TCP11L2: variants seen among roughly 807,000 people sequenced by gnomAD.
TCP11L2 encodes the protein t-complex 11 like 2.
TCP11L2 carries 39 observed loss-of-function variants against 50.7 expected under a neutral mutation model. The observed-to-expected ratio is 0.77, with a 90% CI of 0.60 to 1.01. The LOEUF (loss-of-function observed/expected upper bound fraction) is 1.01, where lower values mean the gene tolerates loss of function less well. Among genes scored for constraint, TCP11L2 ranks in the 50% least tolerant of loss-of-function variants. The probability of loss-of-function intolerance (pLI) is 0.00; values close to 1 mark genes in which losing one functional copy is unlikely to be tolerated. For missense variants in TCP11L2, 612 were observed against 614.7 expected (o/e 1.00, Z 0.05); for synonymous variants, 192 against 219.3 (o/e 0.88, Z 1.10).
chr12:106,341,056 G>T, intron 9 of TCP11L2, 58 bp downstream of exon 9: 1 of 1,459,046 alleles, frequency 6.9e-7, no homozygotes, highest in Non-Finnish European at 9.4e-7. Flanking sequence ...TGCTGATTTT[G>T]ACTAACATTA....
chr12:106,340,785 C>T (rs752727629), intron 8 of TCP11L2, 41 bp from the exon 9 acceptor site: 1 of 1,528,248 alleles, frequency 6.5e-7, no homozygotes, highest in South Asian at 1.3e-5. Context: ...ACTTGATGAA[C>T]AAAAACTTTC....
At chr12:106,320,649 G>A (rs2035302531) in intron 4 of TCP11L2, among the ~76,000 whole-genome samples, 1 of 152,208 alleles carries the variant, frequency 6.6e-6, no homozygotes, top group Non-Finnish European at 1.5e-5. Context: ...TTCCTGCCTT[G>A]TGCCCTGAGC....
At chr12:106,307,873 A>G (rs1478504677) in intron 1 of TCP11L2, among the ~76,000 whole-genome samples, 1 of 152,248 alleles carries the variant, frequency 6.6e-6, no homozygotes, top group African/African-American at 2.4e-5. Context: ...TACTGTGTCA[A>G]TGACTGTTCC....
intron 1 of TCP11L2, among the ~76,000 whole-genome samples, chr12:106,304,888 G>A (rs2136589268): frequency 6.6e-6 from 1 of 152,290 alleles, no homozygotes; most frequent in South Asian, 2.1e-4. Flanking sequence ...TAGCGGGGTG[G>A]TGAAGAATTG....
rs34867730 is a variant in TCP11L2, at chr12:106,313,764, A to ATT, written c.158-575_158-574dup. Among the ~76,000 whole-genome samples the ATT allele has an allele frequency of 2.1e-3, 240 of 113,862 alleles. 3 individuals are homozygous for ATT. Among genetic ancestry groups the ATT allele is most frequent in the African/African-American group, 2.7e-3 (77 of 28,196 alleles). 74.7% of individuals were successfully genotyped at this position (113,862 alleles called of 152,430 possible). ...TGGGCACTAAAAATGAGGTAATTTA[A>ATT]TTTTTTTTTTTTTTTTTTTTGAGAC... On this transcript the variant is annotated intron_variant, in intron 2 of 9. Transcript: ENST00000299045.
intron 6 of TCP11L2, chr12:106,325,994 C>T (rs1247511737): frequency 6.6e-6 from 1 of 151,542 alleles, no homozygotes; most frequent in African/African-American, 2.4e-5. Context: ...TCACAATTAC[C>T]AGTTACCCAG....
intron 3 of TCP11L2, 66 bp downstream of exon 3, chr12:106,314,559 G>GTGTA (rs1164160162): frequency 1.1e-6 from 1 of 936,780 alleles, no homozygotes; most frequent in African/African-American, 2.2e-5. Flanking sequence ...GTGTGTGTGT[G>GTGTA]TGTGTGTGTG....
intron 2 of TCP11L2, chr12:106,312,329 G>T (rs2034893271): frequency 4.3e-6 from 4 of 935,426 alleles, no homozygotes; most frequent in Admixed American, 5.1e-5. Context: ...AGCCTTTCTG[G>T]AAAGACTTTT....
intron 1 of TCP11L2, 54 bp from the exon 2 acceptor site, chr12:106,310,987 G>A: frequency 6.9e-7 from 1 of 1,446,274 alleles, no homozygotes; most frequent in Non-Finnish European, 9.5e-7. Flanking sequence ...AAGCATTGGT[G>A]GTGCCTGTGG....
chr12:106,331,394 TACTC>T (rs1447690107), intron 6 of TCP11L2, among the ~76,000 whole-genome samples: 1 of 152,208 alleles, frequency 6.6e-6, no homozygotes, highest in East Asian at 1.9e-4. Context: ...CTGCTTAGCC[TACTC>T]ACTCTTTTTA....
chr12:106,298,883 TCCTGGCTCACTGCAAC>T (rs1484552205), upstream of TCP11L2, among the ~76,000 whole-genome samples: 1 of 151,518 alleles, frequency 6.6e-6, no homozygotes, highest in Non-Finnish European at 1.5e-5. Flanking sequence ...AATGGTGCAA[TCCTGGCTCACTGCAAC>T]CTCTGCCTCC....
intron 1 of TCP11L2, among the ~76,000 whole-genome samples, chr12:106,307,720 A>G (rs1592925463): frequency 6.6e-6 from 1 of 152,172 alleles, no homozygotes; most frequent in African/African-American, 2.4e-5. Context: ...GTTCTGTTCT[A>G]TGTTAACTAC....
At chr12:106,302,378 C>G (rs1379823838), upstream of TCP11L2, among the ~76,000 whole-genome samples, 4 of 92,908 alleles carry the variant, frequency 4.3e-5, 1 homozygote, top group African/African-American at 1.6e-4. Flanking sequence ...CCGCTCAGCC[C>G]CCGCTCAGCC....
Position 106,314,508 on chromosome 12 carries a change from T to C in TCP11L2, c.293+15T>C, listed in dbSNP as rs746014001. 3.7e-5 allele frequency: 60 copies of C among 1,607,112 alleles called. No homozygotes were observed. In the South Asian group the frequency reaches 6.3e-4, roughly 17 times the overall value. ...CCAGAAAAGAGGTAACCTGGGGGCA[T>C]TTGTTGTATATAAACTGCTGAAGAT... On this transcript the variant is annotated intron_variant, in intron 3 of 9. Coordinates refer to ENST00000299045, the MANE Select transcript of TCP11L2 (RefSeq NM_152772.3).
Position 106,346,559 on chromosome 12 carries a change from G to A in TCP11L2, c.*29G>A. 3 of 1,594,648 alleles carry A rather than the reference G, an allele frequency of 1.9e-6. No individual in the cohort carries two copies. The highest frequency in any genetic ancestry group is 2.6e-6 in the Non-Finnish European group (3 of 1,171,852). The stretch of plus-strand genomic sequence containing the variant: ...AGAACTGACATTGGACGAGAGATTG[G>A]AAATCCAGTACTTTGGTATCCAGTC... On this transcript the variant is annotated 3_prime_UTR_variant, in exon 10 of 10. Coordinates refer to ENST00000299045, the MANE Select transcript of TCP11L2 (RefSeq NM_152772.3).
chr12:106,335,570 G>A, intron 6 of TCP11L2, 69 bp from the exon 7 acceptor site: 2 of 1,512,632 alleles, frequency 1.3e-6, no homozygotes, highest in South Asian at 1.2e-5. Flanking sequence ...CACAGCATCT[G>A]TCAAGTGGAA....
Position 106,318,480 on chromosome 12 carries a change from G to A in TCP11L2, c.414+16G>A, listed in dbSNP as rs768039829. 6.2e-6 allele frequency: 10 copies of A among 1,612,328 alleles called. No individual in the cohort carries two copies. The highest frequency in any genetic ancestry group is 1.7e-5 in the Admixed American group (1 of 59,950). On this transcript the variant is annotated intron_variant, in intron 4 of 9. Coordinates refer to ENST00000299045, the MANE Select transcript of TCP11L2 (RefSeq NM_152772.3). ...AATCAGAGAGGCAAGTTGCTTTGTT[G>A]TCTGTGTCAGTTAGCGTCTTACTCC...
At chr12:106,337,062 T>A (rs1216079804) in intron 8 of TCP11L2, among the ~76,000 whole-genome samples, 1 of 65,710 alleles carries the variant, frequency 1.5e-5, no homozygotes, top group African/African-American at 5.8e-5. Context: ...CAATAGGAAT[T>A]CCTATCTAAG....
intron 1 of TCP11L2, among the ~76,000 whole-genome samples, chr12:106,306,326 T>G (rs1270816046): frequency 6.6e-6 from 1 of 152,252 alleles, no homozygotes; most frequent in Non-Finnish European, 1.5e-5. Context: ...CAGATTCACC[T>G]ATTAACATTT....
Sources: allele counts gnomAD v4.1 joint callset (sites outside exome capture counted in the v4.1 genomes callset), GRCh38; gene constraint gnomAD v4.1.1; transcripts MANE v1.5; gene names NCBI Gene and HGNC (gene_info 2026-07-23, HGNC 2026-07-21).